Variants in SLC44A5 observed in about 807,000 individuals in gnomAD.
The protein encoded by SLC44A5 is solute carrier family 44 member 5.
SLC44A5 carries 57 observed loss-of-function variants against 101.8 expected under a neutral mutation model. That is an observed-to-expected ratio of 0.56 (90% confidence interval 0.45 to 0.70). The LOEUF is 0.70. Among genes scored for constraint, SLC44A5 ranks in the 30% least tolerant of loss-of-function variants. The probability of loss-of-function intolerance (pLI) is 0.00; values close to 1 mark genes in which losing one functional copy is unlikely to be tolerated. For missense variants in SLC44A5, 737 were observed against 853.1 expected (o/e 0.86, Z 1.70); for synonymous variants, 281 against 290.9 (o/e 0.97, Z 0.35).
At chr1:75,373,416 T>G (rs1176380381) in intron 3 of SLC44A5, among the ~76,000 whole-genome samples, 1 of 151,984 alleles carries the variant, frequency 6.6e-6, no homozygotes, top group East Asian at 1.9e-4. Context: ...AGACAAGAGA[T>G]CCCATTACCC....
rs1275310916 is a variant in SLC44A5 at position 75,218,649 on chromosome 1, T to A, written c.1370A>T (p.His457Leu). ...GAGAAAGACAAATAAGTTGTATACA[T>A]GGAAGGTAGGGATGTACTGATGGTA... Reference protein sequence around the residue: ...SLYHQYIPTFHVYNLFVFLWL... With the variant: ...SLYHQYIPTFLVYNLFVFLWL... The change falls in exon 17 of 24, where the codon CAT becomes CTT. Residue 457 changes from histidine to leucine, a missense_variant. By Grantham distance (99) the His-to-Leu change is moderately conservative. Around this residue, in one of 3 missense-constraint regions of SLC44A5, gnomAD observed 665 missense variants for 764.4 expected, o/e 0.87. Transcript: ENST00000370859. 1 of 1,613,678 alleles carries A rather than the reference T, an allele frequency of 6.2e-7. No homozygotes were observed. The highest frequency in any genetic ancestry group is 8.5e-7 in the Non-Finnish European group (1 of 1,179,796).
chr1:75,547,756 C>T (rs921395485), intron 1 of SLC44A5, among the ~76,000 whole-genome samples: 1 of 152,214 alleles, frequency 6.6e-6, no homozygotes, highest in Non-Finnish European at 1.5e-5. Flanking sequence ...TGCACCTGCT[C>T]ATTCCTCTTA....
At chr1:75,628,044 C>T in the SLC44A5 span, among the ~76,000 whole-genome samples, 1 of 151,284 alleles carries the variant, frequency 6.6e-6, no homozygotes, top group Admixed American at 6.6e-5. Context: ...CTAGTCTGTG[C>T]CTTGCCTTCT....
chr1:75,303,129 G>T (rs1267652791), intron 4 of SLC44A5, among the ~76,000 whole-genome samples: 1 of 152,192 alleles, frequency 6.6e-6, no homozygotes, highest in Non-Finnish European at 1.5e-5. Context: ...CATAGTCAAT[G>T]CAAGTAGAGG....
chr1:75,606,745 C>T (rs575770351), intron 1 of SLC44A5, among the ~76,000 whole-genome samples: 9 of 151,996 alleles, frequency 5.9e-5, no homozygotes, highest in Non-Finnish European at 1.0e-4. Context: ...AATACAATGG[C>T]CATTTCTCAA....
the SLC44A5 span, among the ~76,000 whole-genome samples, chr1:75,682,375 C>A: frequency 1.3e-5 from 2 of 151,824 alleles, no homozygotes; most frequent in African/African-American, 4.8e-5. Context: ...CTACAGTAAC[C>A]AAAACAGCAT....
At chr1:75,585,545 A>T (rs1176572929) in intron 1 of SLC44A5, among the ~76,000 whole-genome samples, 1 of 152,144 alleles carries the variant, frequency 6.6e-6, no homozygotes, top group African/African-American at 2.4e-5. Context: ...GACCTGGACA[A>T]TTGCATTTAA....
the SLC44A5 span, chr1:75,677,875 C>G: frequency 3.0e-6 from 1 of 336,732 alleles, no homozygotes; most frequent in African/African-American, 2.3e-5. Flanking sequence ...TAGGGAGTGC[C>G]AGACAGTGGG....
the SLC44A5 span, among the ~76,000 whole-genome samples, chr1:75,703,883 A>G: frequency 5.3e-5 from 8 of 151,986 alleles, no homozygotes; most frequent in African/African-American, 1.9e-4. Context: ...AAATAAAGGA[A>G]TCAAAGAAAA....
At chr1:75,428,903 A>G (rs1664458758) in intron 2 of SLC44A5, among the ~76,000 whole-genome samples, 1 of 152,228 alleles carries the variant, frequency 6.6e-6, no homozygotes, top group African/African-American at 2.4e-5. Context: ...GCCAGAAGTA[A>G]GAGTCTTAGT....
chr1:75,666,459 C>T, the SLC44A5 span, among the ~76,000 whole-genome samples: 3 of 152,050 alleles, frequency 2.0e-5, no homozygotes, highest in Admixed American at 6.6e-5. Flanking sequence ...AGCCTACCAA[C>T]TAAAAAAAGT....
the SLC44A5 span, chr1:75,677,840 A>T: frequency 0.04 from 15,306 of 383,530 alleles, 2,263 homozygotes; most frequent in African/African-American, 0.31. Flanking sequence ...CTGCATTTCC[A>T]TCTGAGGTAC....
At chr1:75,677,085 C>T in the SLC44A5 span, among the ~76,000 whole-genome samples, 1 of 151,966 alleles carries the variant, frequency 6.6e-6, no homozygotes, top group Non-Finnish European at 1.5e-5. Flanking sequence ...CCAGATCTCT[C>T]CTAAAAGAAA....
chr1:75,281,844 A>T (rs1171580346), intron 5 of SLC44A5, among the ~76,000 whole-genome samples: 1 of 152,202 alleles, frequency 6.6e-6, no homozygotes. Flanking sequence ...CCTAGATTTC[A>T]GAGGATGTAT....
intron 23 of SLC44A5, chr1:75,206,392 A>T (rs537398619): frequency 1.8e-5 from 8 of 440,950 alleles, no homozygotes; most frequent in African/African-American, 1.6e-4. Context: ...AAAACGTTTG[A>T]CATTAACATT....
chr1:75,463,818 C>T (rs1666652258), intron 2 of SLC44A5, among the ~76,000 whole-genome samples: 2 of 152,172 alleles, frequency 1.3e-5, no homozygotes, highest in African/African-American at 4.8e-5. Context: ...CAGAATATTA[C>T]AACACTGTAA....
At chr1:75,670,233 G>A in the SLC44A5 span, among the ~76,000 whole-genome samples, 5 of 151,900 alleles carry the variant, frequency 3.3e-5, no homozygotes, top group African/African-American at 1.2e-4. Flanking sequence ...AGTAAGCAAA[G>A]GTAATAATCA....
rs1461439563 is a variant in SLC44A5 at position 75,588,738 on chromosome 1, G to GT, written c.-70+22301dup. On this transcript the variant is annotated intron_variant, in intron 1 of 23. Transcript: ENST00000370859. ...TGGTTCCTATACTTACTTCATACTG[G>GT]TTTTTTTAAAAAGCAGATAATATTT... Among the ~76,000 whole-genome samples the GT allele has an allele frequency of 3.7e-4, 5 of 13,614 alleles. No individual in the cohort carries two copies. In the East Asian group the frequency reaches 7.9e-3, roughly 21 times the overall value. The allele number at this position is 13,614 out of a possible 152,430, so 8.9% of individuals were successfully genotyped here. A position where few individuals can be genotyped will look rare whatever the true frequency, so the allele number is the denominator to read the frequency against.
intron 2 of SLC44A5, among the ~76,000 whole-genome samples, chr1:75,399,405 G>A (rs1384037674): frequency 6.6e-6 from 1 of 152,058 alleles, no homozygotes; most frequent in Non-Finnish European, 1.5e-5. Context: ...CACTGGAAAG[G>A]AACTAAACAA....
Sources: allele counts gnomAD v4.1 joint callset (sites outside exome capture counted in the v4.1 genomes callset), GRCh38; gene constraint gnomAD v4.1.1; regional missense constraint gnomAD v4.1.1; transcripts MANE v1.5; gene names NCBI Gene and HGNC (gene_info 2026-07-23, HGNC 2026-07-21).